PIK3C2B: variants seen among roughly 807,000 people sequenced by gnomAD.
PIK3C2B encodes phosphatidylinositol-4-phosphate 3-kinase catalytic subunit type 2 beta, also known as phosphatidylinositol 4-phosphate 3-kinase C2 domain-containing subunit beta.
A neutral mutation model predicts 184.3 loss-of-function variants in PIK3C2B; 83 were observed. The observed-to-expected ratio is 0.45, with a 90% confidence interval of 0.38 to 0.54. The LOEUF (loss-of-function observed/expected upper bound fraction) is 0.54. Among genes scored for constraint, PIK3C2B ranks in the 20% least tolerant of loss-of-function variants. The probability of loss-of-function intolerance (pLI) is 0.00; values close to 1 mark genes in which losing one functional copy is unlikely to be tolerated. For synonymous variants in PIK3C2B, 779 were observed against 837.6 expected, an observed-to-expected ratio of 0.93 and a Z score of 1.21; for missense variants, 1,736 against 2,113.5, an observed-to-expected ratio of 0.82 and a Z score of 3.50.
At position 204,469,782 on chromosome 1, in the gene PIK3C2B, A is replaced by G; in HGVS notation, c.21T>C (p.Asn7=). 6.2e-7 allele frequency: 1 copy of G among 1,613,654 alleles called. No individual in the cohort carries two copies. Residue 7 remains asparagine (N), a synonymous_variant, in exon 2 of 33, where the codon AAT becomes AAC. Transcript: ENST00000684373. MSSTQG[N]GEHWKSLESV... ...ACTCCAGGGACTTCCAGTGTTCCCC[A>G]TTGCCCTGAGTCGAAGACATGGTGA...
rs1019485577 is a variant in PIK3C2B, at chr1:204,423,146, A to G, written c.*1706T>C. ...AACCCTTTGGAGCGAAACACAAAAG[A>G]GCAAATGTAAAATCCATCTGGGGCG... On this transcript the variant is annotated 3_prime_UTR_variant, in exon 33 of 33. Coordinates refer to ENST00000684373, the MANE Select transcript of PIK3C2B (RefSeq NM_001377334.1). The G allele has an allele frequency of 2.0e-5, 3 of 152,168 alleles. No individual in the cohort carries two copies. The highest frequency in any genetic ancestry group is 4.8e-5 in the African/African-American group (2 of 41,438). 9.4% of individuals were successfully genotyped at this position (152,168 alleles called of 1,614,324 possible). A position where few individuals can be genotyped will look rare whatever the true frequency, so the allele number is the denominator to read the frequency against.
intron 3 of PIK3C2B, among the ~76,000 whole-genome samples, chr1:204,464,820 A>G (rs925450699): frequency 1.3e-5 from 2 of 152,178 alleles, no homozygotes; most frequent in Non-Finnish European, 2.9e-5. Context: ...GTTTCCCACC[A>G]TTGAACAGTA....
At chr1:204,489,958 G>A (rs1657903343) in intron 1 of PIK3C2B, 3 of 396,450 alleles carry the variant, frequency 7.6e-6, no homozygotes, top group East Asian at 3.6e-5. Flanking sequence ...AGAGAAAGAT[G>A]TGGCTGGAGA....
intron 1 of PIK3C2B, among the ~76,000 whole-genome samples, chr1:204,492,935 C>A (rs1658102696): frequency 6.6e-6 from 1 of 152,314 alleles, no homozygotes; most frequent in Non-Finnish European, 1.5e-5. Flanking sequence ...TCTTCAGATG[C>A]TGGCTGCCAA....
intron 1 of PIK3C2B, among the ~76,000 whole-genome samples, chr1:204,479,911 G>A (rs776125504): frequency 1.3e-5 from 2 of 152,230 alleles, no homozygotes; most frequent in Non-Finnish European, 2.9e-5. Context: ...ACCAAAGTGA[G>A]GAAACAACAT....
In PIK3C2B at chr1:204,459,468, C is replaced by T. The variant is rs576603189; in HGVS notation, c.1566+410G>A. Among the ~76,000 whole-genome samples, 5 of 152,340 alleles carry T rather than the reference C, an allele frequency of 3.3e-5. 1 individual carries two copies. In the South Asian group the frequency reaches 8.3e-4, roughly 25 times the overall value. Reference sequence around the variant, plus strand: ...CCCTACATGTGAAACCTTCTACCTCCTGATGGTTTCCTACCTGCGATAACA... The same window carrying T: ...CCCTACATGTGAAACCTTCTACCTCTTGATGGTTTCCTACCTGCGATAACA... On this transcript the variant is annotated intron_variant, in intron 8 of 32. Coordinates refer to ENST00000684373, the MANE Select transcript of PIK3C2B (RefSeq NM_001377334.1).
At chr1:204,491,936 A>G (rs939059810) in intron 1 of PIK3C2B, among the ~76,000 whole-genome samples, 4 of 152,184 alleles carry the variant, frequency 2.6e-5, no homozygotes, top group African/African-American at 9.7e-5. Flanking sequence ...ATCATGAGGC[A>G]TCCTTTCCTT....
chr1:204,457,582 G>C, intron 9 of PIK3C2B, 146 bp downstream of exon 9: 1 of 751,120 alleles, frequency 1.3e-6, no homozygotes, highest in Middle Eastern at 2.7e-4. Flanking sequence ...AGCTCTTGCG[G>C]TTGAATTCCT....
intron 28 of PIK3C2B, among the ~76,000 whole-genome samples, chr1:204,430,589 T>C (rs935292106): frequency 2.6e-5 from 4 of 151,744 alleles, no homozygotes; most frequent in African/African-American, 7.3e-5. Flanking sequence ...ATGATCTGCC[T>C]GCCTCAGCCT....
At chr1:204,438,634 G>A (rs1675479764) in intron 23 of PIK3C2B, among the ~76,000 whole-genome samples, 1 of 152,182 alleles carries the variant, frequency 6.6e-6, no homozygotes, top group African/African-American at 2.4e-5. Context: ...ATCCACAACT[G>A]GGAGGGATAC....
intron 2 of PIK3C2B, among the ~76,000 whole-genome samples, chr1:204,467,732 G>A (rs934532302): frequency 4.7e-5 from 7 of 150,258 alleles, no homozygotes; most frequent in Non-Finnish European, 1.0e-4. Flanking sequence ...CTACTTGGGA[G>A]GCTGAGGCAG....
At position 204,424,413 on chromosome 1, in the gene PIK3C2B, C is replaced by T. The variant is rs1371980194; in HGVS notation, c.*439G>A. 1 of 280,980 alleles carries T rather than the reference C, an allele frequency of 3.6e-6. No homozygotes were observed. The highest frequency in any genetic ancestry group is 7.2e-6 in the Non-Finnish European group (1 of 138,524). 17.4% of individuals were successfully genotyped at this position (280,980 alleles called of 1,614,324 possible). ...AAGTCCAAATAGTCTTCCTCTCTTG[C>T]CTTCTGGGGCATAGGTACGTCCCTT... On this transcript the variant is annotated 3_prime_UTR_variant, in exon 33 of 33. Transcript: ENST00000684373.
intron 1 of PIK3C2B, among the ~76,000 whole-genome samples, chr1:204,494,052 G>A (rs1351963104): frequency 1.3e-5 from 2 of 152,220 alleles, no homozygotes; most frequent in Non-Finnish European, 2.9e-5. Context: ...CTGCAGCTGG[G>A]AGCCAGGAAG....
chr1:204,455,987 G>GA lies in PIK3C2B; in HGVS notation c.1811dup (p.Asn605GlnfsTer15). 6.2e-7 allele frequency: 1 copy of GA among 1,614,188 alleles called. No individual in the cohort carries two copies. Among genetic ancestry groups the GA allele is most frequent in the Non-Finnish European group, 8.5e-7 (1 of 1,180,012 alleles). On this transcript the variant is annotated frameshift_variant, in exon 11 of 33. Transcript: ENST00000684373. LOFTEE classifies it high-confidence loss of function. ...GCACTGCCGTCTGGAAGTCTGCGTT[G>GA]AATGTGTTGCAGTACAGCTCCACCA...
intron 16 of PIK3C2B, among the ~76,000 whole-genome samples, chr1:204,445,499 G>C (rs934008357): frequency 2.0e-5 from 3 of 151,952 alleles, no homozygotes; most frequent in Non-Finnish European, 4.4e-5. Flanking sequence ...GCTACTTGGA[G>C]GCTGGGGCAG....
chr1:204,444,757 C>T (rs968293296), intron 16 of PIK3C2B, among the ~76,000 whole-genome samples: 1 of 152,212 alleles, frequency 6.6e-6, no homozygotes, highest in Non-Finnish European at 1.5e-5. Context: ...GAAATTCCTG[C>T]CATTGGAGGG....
rs753483282 is a variant in PIK3C2B, at chr1:204,464,550, A to G, written c.1089T>C (p.Ser363=). 9.9e-5 allele frequency: 160 copies of G among 1,613,706 alleles called. No individual in the cohort carries two copies. Among genetic ancestry groups the G allele is most frequent in the Non-Finnish European group, 1.3e-4 (155 of 1,179,836 alleles). ...QDYFLTGYVW[S]AVTPSPEHLG... is the part of the protein sequence containing the mutation. Reference sequence around the variant, plus strand: ...GGTGCTCTGGGCTAGGGGTGACAGCACTCCAGACATAGCCAGTGAGGAAGT... The same window carrying G: ...GGTGCTCTGGGCTAGGGGTGACAGCGCTCCAGACATAGCCAGTGAGGAAGT... Residue 363 remains serine, a synonymous_variant, in exon 4 of 33, where the codon AGT becomes AGC. Coordinates refer to ENST00000684373, the MANE Select transcript of PIK3C2B (RefSeq NM_001377334.1).
chr1:204,487,804 T>C (rs900728291), intron 1 of PIK3C2B, among the ~76,000 whole-genome samples: 4 of 152,100 alleles, frequency 2.6e-5, no homozygotes, highest in African/African-American at 9.7e-5. Flanking sequence ...ATTGAGCTTA[T>C]AGGATTACCC....
Position 204,480,854 on chromosome 1 carries a change from G to A in PIK3C2B, c.-84-10968C>T, listed in dbSNP as rs528737534. Among the ~76,000 whole-genome samples, 135 of 152,144 alleles carry A rather than the reference G, an allele frequency of 8.9e-4. 1 individual carries two copies. The highest frequency in any genetic ancestry group is 1.6e-3 in the Non-Finnish European group (106 of 67,988). On this transcript the variant is annotated intron_variant, in intron 1 of 32. Coordinates refer to ENST00000684373, the MANE Select transcript of PIK3C2B (RefSeq NM_001377334.1). ...TTGGGATAGGAAGGCTCTCCACCAC[G>A]TGCCCACAGCCCAGCCCACTGTCCC...
Sources: gnomAD v4.1 joint callset for allele counts (sites outside exome capture counted in the v4.1 genomes callset) on GRCh38, gnomAD v4.1.1 for gene constraint, MANE v1.5 for transcripts, NCBI Gene and HGNC (gene_info 2026-07-23, HGNC 2026-07-21) for gene names.